The following CDK19 variants were observed in gnomAD, a reference collection of about 807,000 sequenced individuals.
CDK19 encodes cyclin dependent kinase 19.
In CDK19, 20 loss-of-function variants were observed where a neutral mutation model predicts 68.3. That is an observed-to-expected ratio of 0.29 (90% CI 0.21 to 0.43). The LOEUF is 0.43. Among genes scored for constraint, CDK19 ranks in the 20% least tolerant of loss-of-function variants. The probability of loss-of-function intolerance (pLI) is 1.00; values close to 1 mark genes in which losing one functional copy is unlikely to be tolerated. For missense variants in CDK19, 339 were observed against 623.5 expected (o/e 0.54, Z 4.86); for synonymous variants, 221 against 222.8 (o/e 0.99, Z 0.07).
Position 110,621,446 on chromosome 6 carries a change from T to A in CDK19, c.1111-76A>T. 6.8e-7 allele frequency: 1 copy of A among 1,467,522 alleles called. No individual in the cohort carries two copies. The allele number at this position is 1,467,522 out of a possible 1,614,324, so 90.9% of individuals were successfully genotyped here. ...TTTCTTTAATTATTTGATATGCACA[T>A]GTGGCTGCTGACCAACCTGGGGGAG... On this transcript the variant is annotated intron_variant, in intron 11 of 12. Coordinates refer to ENST00000368911, the MANE Select transcript of CDK19 (RefSeq NM_015076.5). This position sits in a 1 kb window ranked among gnomAD's most constrained non-coding sequence, Gnocchi z 5.4.
chr6:110,791,793 G>A (rs554814373), intron 1 of CDK19, among the ~76,000 whole-genome samples: 1 of 151,666 alleles, frequency 6.6e-6, no homozygotes, highest in East Asian at 1.9e-4. Flanking sequence ...GCCCAGCTTG[G>A]TTTTTTAAAT....
At chr6:110,769,152 CAAA>C (rs536664282) in intron 1 of CDK19, among the ~76,000 whole-genome samples, 22 of 50,546 alleles carry the variant, frequency 4.4e-4, no homozygotes, top group African/African-American at 5.8e-4. Flanking sequence ...GACTCTGTCT[CAAA>C]AAAAAAAAAA....
At chr6:110,646,435 C>A (rs1364888662) in intron 4 of CDK19, 1 of 1,500,856 alleles carries the variant, frequency 6.7e-7, no homozygotes, top group African/African-American at 1.4e-5. Flanking sequence ...CGCGCCGCAG[C>A]TACCCCATGC....
intron 2 of CDK19, among the ~76,000 whole-genome samples, chr6:110,671,120 C>T (rs1770976538): frequency 6.6e-6 from 1 of 151,430 alleles, no homozygotes; most frequent in African/African-American, 2.4e-5. Context: ...ACTGTCATGC[C>T]CACTTATAAA....
At chr6:110,813,877 C>G (rs902459362) in intron 1 of CDK19, 1 of 152,146 alleles carries the variant, frequency 6.6e-6, no homozygotes, top group Non-Finnish European at 1.5e-5. Context: ...AGAAATGGTC[C>G]GTTACAATCC....
intron 5 of CDK19, among the ~76,000 whole-genome samples, chr6:110,638,266 A>G (rs1779912311): frequency 6.6e-6 from 1 of 152,216 alleles, no homozygotes; most frequent in African/African-American, 2.4e-5. Context: ...ATATTCGCTC[A>G]GGGTGGGGAG....
intron 1 of CDK19, among the ~76,000 whole-genome samples, chr6:110,747,950 C>CT (rs1250000589): frequency 2.6e-5 from 4 of 152,136 alleles, no homozygotes; most frequent in African/African-American, 9.7e-5. Context: ...GCCTGAGAAG[C>CT]TCAACACAAT....
At position 110,752,081 on chromosome 6, in the gene CDK19, T is replaced by C. The variant is rs914420590; in HGVS notation, c.129-5880A>G. On this transcript the variant is annotated intron_variant, in intron 1 of 12. Coordinates refer to ENST00000368911, the MANE Select transcript of CDK19 (RefSeq NM_015076.5). ...ACAAAAAAAAAAAGATCATCTTGTT[T>C]CATATGGGTATCATTCTGAATTATT... Among the ~76,000 whole-genome samples, 6 of 152,290 alleles carry C rather than the reference T, an allele frequency of 3.9e-5. No individual in the cohort carries two copies. In the South Asian group the frequency reaches 1.2e-3, roughly 32 times the overall value.
chr6:110,702,363 T>C (rs1404452626), intron 2 of CDK19, among the ~76,000 whole-genome samples: 1 of 152,112 alleles, frequency 6.6e-6, no homozygotes, highest in East Asian at 1.9e-4. Flanking sequence ...GCTGGACAAC[T>C]GCTTGAGCCT....
At chr6:110,737,902 A>G (rs960902072) in intron 2 of CDK19, among the ~76,000 whole-genome samples, 1 of 152,206 alleles carries the variant, frequency 6.6e-6, no homozygotes, top group Non-Finnish European at 1.5e-5. Flanking sequence ...TTTGTTTTTA[A>G]GGAAAACACA....
intron 4 of CDK19, among the ~76,000 whole-genome samples, chr6:110,664,797 C>A (rs1781822683): frequency 6.6e-6 from 1 of 152,050 alleles, no homozygotes; most frequent in Non-Finnish European, 1.5e-5. Flanking sequence ...CAGGAACCAA[C>A]AACAAGAAGA....
intron 2 of CDK19, chr6:110,722,384 TC>T (rs1293582386): frequency 6.6e-6 from 1 of 151,832 alleles, no homozygotes; most frequent in African/African-American, 2.4e-5. Context: ...GGAAACAAAT[TC>T]CTAAGCAATT....
At chr6:110,776,892 T>C (rs977659665) in intron 1 of CDK19, among the ~76,000 whole-genome samples, 8 of 152,196 alleles carry the variant, frequency 5.3e-5, no homozygotes, top group Non-Finnish European at 1.2e-4. Context: ...CACTAACTCA[T>C]TCGGTCTTCA....
At chr6:110,720,747 G>GTGTATTCACTACTACA (rs1775805863) in intron 2 of CDK19, among the ~76,000 whole-genome samples, 1 of 151,458 alleles carries the variant, frequency 6.6e-6, no homozygotes, top group Admixed American at 6.6e-5. Context: ...CACACCTGTA[G>GTGTATTCACTACTACA]TCCCAGCTAC....
intron 1 of CDK19, among the ~76,000 whole-genome samples, chr6:110,812,796 C>T (rs1476761987): frequency 6.8e-6 from 1 of 146,720 alleles, no homozygotes; most frequent in East Asian, 2.0e-4. Context: ...GCAAATCTGC[C>T]CACTGTTTAA....
intron 1 of CDK19, 184 bp downstream of exon 1, chr6:110,814,825 G>C: frequency 5.1e-6 from 4 of 783,380 alleles, no homozygotes; most frequent in Non-Finnish European, 8.3e-6. Context: ...GGTACGCGAC[G>C]GGGCCGCGCG....
intron 2 of CDK19, among the ~76,000 whole-genome samples, chr6:110,712,417 A>G (rs1775013689): frequency 6.6e-6 from 1 of 152,226 alleles, no homozygotes; most frequent in South Asian, 2.1e-4. Flanking sequence ...AGAAACATCA[A>G]TTTACTAGAT....
chr6:110,645,699 T>C, intron 4 of CDK19: 1 of 397,454 alleles, frequency 2.5e-6, no homozygotes, highest in South Asian at 2.3e-5. Flanking sequence ...ATTTCCGAAC[T>C]CTTGACGACG....
intron 1 of CDK19, among the ~76,000 whole-genome samples, chr6:110,762,635 A>G (rs1186954928): frequency 6.6e-6 from 1 of 152,194 alleles, no homozygotes; most frequent in East Asian, 1.9e-4. Flanking sequence ...TACGTAAAGC[A>G]CCTAGCACAG....
Sources: allele counts gnomAD v4.1 joint callset (sites outside exome capture counted in the v4.1 genomes callset), GRCh38; gene constraint gnomAD v4.1.1; non-coding constraint Gnocchi (gnomAD v3.1); transcripts MANE v1.5; gene names NCBI Gene and HGNC (gene_info 2026-07-23, HGNC 2026-07-21).